TRAPPC1: variants seen among roughly 807,000 people sequenced by gnomAD.
TRAPPC1 encodes the protein trafficking protein particle complex subunit 1.
Under a neutral mutation model 17.2 loss-of-function variants are expected in TRAPPC1, and 10 were observed. The observed-to-expected ratio is 0.58, with a 90% CI of 0.36 to 0.99. TRAPPC1 has a LOEUF of 0.99. Among genes scored for constraint, TRAPPC1 ranks in the 50% least tolerant of loss-of-function variants. The pLI is 0.01. For synonymous variants in TRAPPC1, 85 were observed against 74.5 expected (o/e 1.14, Z -0.72); for missense variants, 163 against 184.4 (o/e 0.88, Z 0.67).
intron 1 of TRAPPC1, 52 bp from the exon 2 acceptor site, chr17:7,931,628 G>T: frequency 2.6e-6 from 2 of 775,240 alleles, no homozygotes; most frequent in South Asian, 2.7e-5. Context: ...AGATGGGGTG[G>T]GGGGTGGGAA....
intron 2 of TRAPPC1, 171 bp from the exon 3 acceptor site, chr17:7,931,320 C>T (rs1334624047): frequency 9.4e-7 from 1 of 1,066,050 alleles, no homozygotes; most frequent in Non-Finnish European, 1.3e-6. Context: ...CCACCAACTT[C>T]TCTACTTTCA....
chr17:7,930,997 G>A lies in TRAPPC1; in HGVS notation c.309+14C>T. 6.2e-7 allele frequency: 1 copy of A among 1,613,036 alleles called. No individual in the cohort carries two copies. The highest frequency in any genetic ancestry group is 8.5e-7 in the Non-Finnish European group (1 of 1,179,610). Reference sequence around the variant, plus strand: ...AAGAGCTCTGGGGGATGGGTCCCTGGGGCTGGCACTGACCGCACTGTAGAT... The same window carrying A: ...AAGAGCTCTGGGGGATGGGTCCCTGAGGCTGGCACTGACCGCACTGTAGAT... On this transcript the variant is annotated intron_variant, in intron 3 of 3. Transcript: ENST00000303731.
chr17:7,930,456 G>T lies in TRAPPC1; in HGVS notation c.*150C>A, dbSNP rs1972402156. 8 of 931,216 alleles carry T rather than the reference G, an allele frequency of 8.6e-6. No homozygotes were observed. The highest frequency in any genetic ancestry group is 1.6e-5 in the African/African-American group (1 of 61,080). The allele number at this position is 931,216 out of a possible 1,614,324, so 57.7% of individuals were successfully genotyped here. A position where few individuals can be genotyped will look rare whatever the true frequency, so the allele number is the denominator to read the frequency against. ...GAGGGACTCTGTGGGCTTCACTCTG[G>T]TAGGAGGAGAGCATCAGGGCAGGCC... On this transcript the variant is annotated 3_prime_UTR_variant, in exon 4 of 4. Coordinates refer to ENST00000303731, the MANE Select transcript of TRAPPC1 (RefSeq NM_021210.5).
rs1417305377 is a variant in TRAPPC1, at chr17:7,931,546, A to G, written c.130T>C (p.Ser44Pro). The change falls in exon 2 of 4, where the codon TCT becomes CCT. Residue 44 changes from serine to proline, a missense_variant. Coordinates refer to ENST00000303731, the MANE Select transcript of TRAPPC1 (RefSeq NM_021210.5). The stretch of plus-strand genomic sequence containing the variant: ...ATCTTGCTGACAAACGAGCGGATAG[A>G]GAAGAGCATCCCGTACATCAGCTTA... Reference protein sequence around the residue: ...EYKLMYGMLFSIRSFVSKMSP... With the variant: ...EYKLMYGMLFPIRSFVSKMSP... 3.1e-6 allele frequency: 5 copies of G among 1,613,268 alleles called. No homozygotes were observed. Among genetic ancestry groups the G allele is most frequent in the South Asian group, 2.2e-5 (2 of 91,058 alleles).
Position 7,930,540 on chromosome 17 carries a change from A to G in TRAPPC1, c.*66T>C. ...GCGGGGGCTTACAGTGGGGGCCCTT[A>G]GTTGGCACAGGTTCGGAAGGGCCCC... On this transcript the variant is annotated 3_prime_UTR_variant, in exon 4 of 4. Transcript: ENST00000303731. 1 of 1,606,646 alleles carries G rather than the reference A, an allele frequency of 6.2e-7. No homozygotes were observed. The highest frequency in any genetic ancestry group is 8.5e-7 in the Non-Finnish European group (1 of 1,176,070).
chr17:7,931,719 C>A lies in TRAPPC1; in HGVS notation c.99+12G>T. 1 of 1,611,728 alleles carries A rather than the reference C, an allele frequency of 6.2e-7. No individual in the cohort carries two copies. The highest frequency in any genetic ancestry group is 8.5e-7 in the Non-Finnish European group (1 of 1,177,790). On this transcript the variant is annotated intron_variant, in intron 1 of 3. Transcript: ENST00000303731. Reference sequence around the variant, plus strand: ...AGAGGTCGCCCGGGCTGCACCGGGGCCCTCTCGTCACCTCCTCCTTGGGAA... The same window carrying A: ...AGAGGTCGCCCGGGCTGCACCGGGGACCTCTCGTCACCTCCTCCTTGGGAA...
In TRAPPC1 at chr17:7,930,390, G is replaced by A. The variant is rs1276901457; in HGVS notation, c.*216C>T. The A allele has an allele frequency of 6.8e-6, 4 of 584,482 alleles. No homozygotes were observed. The highest frequency in any genetic ancestry group is 5.9e-5 in the South Asian group (3 of 51,034). The allele number at this position is 584,482 out of a possible 1,614,324, so 36.2% of individuals were successfully genotyped here. On this transcript the variant is annotated 3_prime_UTR_variant, in exon 4 of 4. Transcript: ENST00000303731. ...TTATTCTGTGCTTCTCGCAGCATTAGGCAGGGGATAAAACTGGAGAGAGGG... is the reference window on the plus strand; with the variant it reads ...TTATTCTGTGCTTCTCGCAGCATTAAGCAGGGGATAAAACTGGAGAGAGGG...
In TRAPPC1 at chr17:7,931,861, G is replaced by T; in HGVS notation, c.-32C>A. On this transcript the variant is annotated 5_prime_UTR_variant, in exon 1 of 4. Coordinates refer to ENST00000303731, the MANE Select transcript of TRAPPC1 (RefSeq NM_021210.5). ...GGCAGGGAGTGTGAGCCTCGCTCCG[G>T]GGCCGCCCCCACTCCTTGGGCTCGG... 6.3e-7 allele frequency: 1 copy of T among 1,590,686 alleles called. No homozygotes were observed. Among genetic ancestry groups the T allele is most frequent in the Non-Finnish European group, 8.6e-7 (1 of 1,158,720 alleles).
Position 7,931,013 on chromosome 17 carries a change from C to T in TRAPPC1, c.307G>A (p.Ala103Thr). 1 of 1,613,570 alleles carries T rather than the reference C, an allele frequency of 6.2e-7. No individual in the cohort carries two copies. Among genetic ancestry groups the T allele is most frequent in the Non-Finnish European group, 8.5e-7 (1 of 1,179,860 alleles). Residue 103 changes from alanine (A) to threonine (T), a missense_variant and splice_region_variant, in exon 3 of 4, where the codon GCG becomes ACG. By Grantham distance (58) the Ala-to-Thr change is moderately conservative (BLOSUM62 0). Coordinates refer to ENST00000303731, the MANE Select transcript of TRAPPC1 (RefSeq NM_021210.5). ...IRDVLHHIYS[A>T]LYVELVVKNP... ...GGGTCCCTGGGGCTGGCACTGACCG[C>T]ACTGTAGATGTGGTGCAGCACATCT...
In TRAPPC1 at chr17:7,931,068, C is replaced by A. The variant is rs1051587060; in HGVS notation, c.252G>T (p.Met84Ile). The A allele has an allele frequency of 6.2e-7, 1 of 1,613,818 alleles. No homozygotes were observed. Among genetic ancestry groups the A allele is most frequent in the African/African-American group, 1.3e-5 (1 of 74,784 alleles). The change falls in exon 3 of 4, where the codon ATG (methionine) becomes ATT (isoleucine). Residue 84 changes from methionine (M) to isoleucine (I), a missense_variant. By Grantham distance (10) the Met-to-Ile change is conservative (BLOSUM62 1). Coordinates refer to ENST00000303731, the MANE Select transcript of TRAPPC1 (RefSeq NM_021210.5). ...TGGGTCCCACGCCCAAGTCAGTATT[C>A]ATGACAACTTTGATCCCAGTGGGCG... The part of the protein sequence containing the change: ...YETPTGIKVV[M>I]NTDLGVGPIR...
chr17:7,931,906 T>A lies in TRAPPC1; in HGVS notation c.-77A>T. On this transcript the variant is annotated 5_prime_UTR_variant, in exon 1 of 4. Coordinates refer to ENST00000303731, the MANE Select transcript of TRAPPC1 (RefSeq NM_021210.5). ...GCTCGGGTTCCCGGACCCACAGCCTTCCAACCAGGTGGGGACCCCACCCAC... is the reference window on the plus strand; with the variant it reads ...GCTCGGGTTCCCGGACCCACAGCCTACCAACCAGGTGGGGACCCCACCCAC... The A allele has an allele frequency of 2.3e-6, 3 of 1,285,854 alleles. No individual in the cohort carries two copies. Among genetic ancestry groups the A allele is most frequent in the Non-Finnish European group, 3.4e-6 (3 of 881,876 alleles). The allele number at this position is 1,285,854 out of a possible 1,614,324, so 79.7% of individuals were successfully genotyped here.
rs1480161562 is a variant in TRAPPC1 at position 7,931,910 on chromosome 17, A to C, written c.-81T>G. Reference sequence around the variant, plus strand: ...GGGTTCCCGGACCCACAGCCTTCCAACCAGGTGGGGACCCCACCCACGGAC... The same window carrying C: ...GGGTTCCCGGACCCACAGCCTTCCACCCAGGTGGGGACCCCACCCACGGAC... On this transcript the variant is annotated 5_prime_UTR_variant, in exon 1 of 4. Coordinates refer to ENST00000303731, the MANE Select transcript of TRAPPC1 (RefSeq NM_021210.5). 1.6e-6 allele frequency: 2 copies of C among 1,246,830 alleles called. No individual in the cohort carries two copies. Among genetic ancestry groups the C allele is most frequent in the Admixed American group, 1.7e-5 (1 of 59,370 alleles). 77.2% of individuals were successfully genotyped at this position (1,246,830 alleles called of 1,614,324 possible).
At position 7,930,621 on chromosome 17, in the gene TRAPPC1, G is replaced by A. The variant is rs1283743019; in HGVS notation, c.423C>T (p.Ser141=). ...GTAGGTTGCTTCAGCCAGCCCGGGC[G>A]GAGAAGAAGGGCAGAGAGCGAACAT... The part of the protein sequence containing the change: ...DSYVRSLPFF[S]ARAG The change falls in exon 4 of 4, where the codon TCC becomes TCT. Residue 141 remains serine, a synonymous_variant. Coordinates refer to ENST00000303731, the MANE Select transcript of TRAPPC1 (RefSeq NM_021210.5). The A allele has an allele frequency of 1.4e-5, 22 of 1,614,012 alleles. No homozygotes were observed. The highest frequency in any genetic ancestry group is 1.7e-5 in the Admixed American group (1 of 60,008).
chr17:7,930,898 C>T, intron 3 of TRAPPC1, 113 bp downstream of exon 3: 1 of 1,505,608 alleles, frequency 6.6e-7, no homozygotes, highest in Middle Eastern at 2.1e-4. Context: ...CTAAGGGCCC[C>T]TGAGAAAACT....
chr17:7,931,474 C>T lies in TRAPPC1; in HGVS notation c.170+32G>A, dbSNP rs771386603. 4 of 1,608,390 alleles carry T rather than the reference C, an allele frequency of 2.5e-6. No individual in the cohort carries two copies. The East Asian group carries it at 8.9e-5, about 36-fold the overall frequency. On this transcript the variant is annotated intron_variant, in intron 2 of 3. Coordinates refer to ENST00000303731, the MANE Select transcript of TRAPPC1 (RefSeq NM_021210.5). ...CATCCCCAAATTCCCAAGGCTAGCC[C>T]TCCTCCCAACATCTTCTCTGACTCC...
Position 7,931,896 on chromosome 17 carries a change from C to T in TRAPPC1, c.-67G>A. 1 of 1,394,322 alleles carries T rather than the reference C, an allele frequency of 7.2e-7. No homozygotes were observed. The highest frequency in any genetic ancestry group is 1.2e-5 in the South Asian group (1 of 86,560). 86.4% of individuals were successfully genotyped at this position (1,394,322 alleles called of 1,614,324 possible). ...CACTCCTTGGGCTCGGGTTCCCGGA[C>T]CCACAGCCTTCCAACCAGGTGGGGA... is the stretch of plus-strand genomic sequence containing the variant. On this transcript the variant is annotated 5_prime_UTR_variant, in exon 1 of 4. Transcript: ENST00000303731.
rs752278706 is a variant in TRAPPC1 at position 7,931,806 on chromosome 17, C to G, written c.24G>C (p.Leu8=). The change falls in exon 1 of 4, where the codon CTG becomes CTC. Residue 8 remains leucine (L), a synonymous_variant. Coordinates refer to ENST00000303731, the MANE Select transcript of TRAPPC1 (RefSeq NM_021210.5). MTVHNLY[L]FDRNGVCLHY... is the part of the protein sequence containing the mutation. The stretch of plus-strand genomic sequence containing the variant: ...GCAGACACACTCCATTCCGGTCAAA[C>G]AGGTACAGGTTGTGGACAGTCATCT... The G allele has an allele frequency of 2.9e-4, 467 of 1,614,190 alleles. 1 individual carries two copies. The highest frequency in any genetic ancestry group is 1.3e-3 in the Middle Eastern group (8 of 6,062).
chr17:7,930,464 A>G lies in TRAPPC1; in HGVS notation c.*142T>C. ...CTGTGGGCTTCACTCTGGTAGGAGGAGAGCATCAGGGCAGGCCTTTAGGCT... is the reference window on the plus strand; with the variant it reads ...CTGTGGGCTTCACTCTGGTAGGAGGGGAGCATCAGGGCAGGCCTTTAGGCT... On this transcript the variant is annotated 3_prime_UTR_variant, in exon 4 of 4. Coordinates refer to ENST00000303731, the MANE Select transcript of TRAPPC1 (RefSeq NM_021210.5). The G allele has an allele frequency of 1.0e-6, 1 of 999,088 alleles. No individual in the cohort carries two copies. Among genetic ancestry groups the G allele is most frequent in the Non-Finnish European group, 1.5e-6 (1 of 671,842 alleles). 61.9% of individuals were successfully genotyped at this position (999,088 alleles called of 1,614,324 possible).
At position 7,931,236 on chromosome 17, in the gene TRAPPC1, T is replaced by C. The variant is rs2151723788; in HGVS notation, c.171-87A>G. 4.7e-6 allele frequency: 7 copies of C among 1,480,516 alleles called. No individual in the cohort carries two copies. In the Admixed American group the frequency reaches 1.4e-4, roughly 31 times the overall value. 91.7% of individuals were successfully genotyped at this position (1,480,516 alleles called of 1,614,324 possible). A position where few individuals can be genotyped will look rare whatever the true frequency, so the allele number is the denominator to read the frequency against. On this transcript the variant is annotated intron_variant, in intron 2 of 3. Transcript: ENST00000303731. ...GATCCCCGCAAACATCGACTCCCTC[T>C]TTATCTAAACATATCCTTTGTAGAA...
Sources: allele counts gnomAD v4.1 joint callset, GRCh38; gene constraint gnomAD v4.1.1; transcripts MANE v1.5; gene names NCBI Gene and HGNC (gene_info 2026-07-23, HGNC 2026-07-21).